VPS13B: variants seen among roughly 807,000 people sequenced by gnomAD.
VPS13B encodes intermembrane lipid transfer protein VPS13B.
Under a neutral mutation model 426.4 loss-of-function variants are expected in VPS13B, and 285 were observed. The observed-to-expected ratio is 0.67, with a 90% CI of 0.61 to 0.74. The LOEUF (loss-of-function observed/expected upper bound fraction) is 0.74, where lower values mean the gene tolerates loss of function less well. Ranked by LOEUF, VPS13B falls within the 30% of genes least tolerant of loss-of-function variation. VPS13B has a pLI of 0.00. For synonymous variants in VPS13B, 1,676 were observed against 1,676.4 expected (o/e 1.00, Z 0.01); for missense variants, 4,537 against 4,782.6 (o/e 0.95, Z 1.51).
chr8:99,334,827 G>T (rs1259770513), intron 19 of VPS13B, among the ~76,000 whole-genome samples: 1 of 151,924 alleles, frequency 6.6e-6, no homozygotes, highest in Non-Finnish European at 1.5e-5. Context: ...CTCTTTTTTG[G>T]TTGTGTCTCT....
At position 99,837,670 on chromosome 8, in the gene VPS13B, A is replaced by G. The variant is rs143551130; in HGVS notation, c.9942+1932A>G. Among the ~76,000 whole-genome samples, 58 of 152,286 alleles carry G rather than the reference A, an allele frequency of 3.8e-4. 1 individual carries two copies. The East Asian group carries it at 7.3e-3, about 19-fold the overall frequency. On this transcript the variant is annotated intron_variant, in intron 54 of 61. Transcript: ENST00000357162. ...ATTAATCTTTTAGGAGCTGTGTGCC[A>G]TATGTCCTGCAGACCGTGGTTTACT... is the stretch of plus-strand genomic sequence containing the variant.
chr8:99,693,830 T>TAAG (rs1831809640), intron 35 of VPS13B, among the ~76,000 whole-genome samples: 1 of 150,430 alleles, frequency 6.6e-6, no homozygotes, highest in Non-Finnish European at 1.5e-5. Flanking sequence ...CTTAAGCTGA[T>TAAG]AAGCAACTTC....
At chr8:99,728,287 C>T (rs1386158974) in intron 39 of VPS13B, among the ~76,000 whole-genome samples, 3 of 152,158 alleles carry the variant, frequency 2.0e-5, no homozygotes, top group Non-Finnish European at 4.4e-5. Context: ...TTAAATGCCC[C>T]TCCCAGCAGG....
chr8:99,360,378 T>G (rs1812496618), intron 19 of VPS13B, among the ~76,000 whole-genome samples: 2 of 150,526 alleles, frequency 1.3e-5, no homozygotes, highest in Admixed American at 6.6e-5. Flanking sequence ...CCCGGGTTCA[T>G]TCCATTCTCC....
chr8:99,798,174 A>C (rs1019320425), intron 43 of VPS13B, among the ~76,000 whole-genome samples: 2 of 151,678 alleles, frequency 1.3e-5, no homozygotes, highest in Non-Finnish European at 2.9e-5. Flanking sequence ...ACTACCGTCC[A>C]GCCGCCATCA....
intron 19 of VPS13B, among the ~76,000 whole-genome samples, chr8:99,301,821 C>T (rs953987972): frequency 3.3e-5 from 5 of 151,732 alleles, no homozygotes; most frequent in Non-Finnish European, 5.9e-5. Context: ...CAGATGGGGT[C>T]TCATTATGTT....
At chr8:99,789,933 G>T (rs1315207919) in intron 43 of VPS13B, among the ~76,000 whole-genome samples, 1 of 151,906 alleles carries the variant, frequency 6.6e-6, no homozygotes, top group African/African-American at 2.4e-5. Flanking sequence ...TTCTATTTTT[G>T]TCACATTTTT....
At chr8:99,280,364 C>A (rs562801695) in intron 19 of VPS13B, among the ~76,000 whole-genome samples, 1 of 152,150 alleles carries the variant, frequency 6.6e-6, no homozygotes. Flanking sequence ...ACCTCTCTTA[C>A]ATTCTTTCAT....
At chr8:99,796,903 T>C (rs1038006677) in intron 43 of VPS13B, 2 of 152,258 alleles carry the variant, frequency 1.3e-5, no homozygotes, top group African/African-American at 4.8e-5. Context: ...CCAAGGCCTA[T>C]TGAACCTGGG....
Position 99,234,537 on chromosome 8 carries a change from G to T in VPS13B, c.2516-39661G>T, listed in dbSNP as rs570475442. On this transcript the variant is annotated intron_variant, in intron 17 of 61. Transcript: ENST00000357162. ...TCCGCGGGGTTGGGGTTCAGGGGCC[G>T]CAGGGCTGGGGTTCGGGGGCCGCGT... 13 of 469,994 alleles carry T rather than the reference G, an allele frequency of 2.8e-5. 1 individual carries two copies. Among genetic ancestry groups the T allele is most frequent in the South Asian group, 2.2e-4 (13 of 58,218 alleles). 29.1% of individuals were successfully genotyped at this position (469,994 alleles called of 1,614,324 possible).
chr8:99,261,084 C>G (rs1203640159), intron 17 of VPS13B, among the ~76,000 whole-genome samples: 1 of 152,014 alleles, frequency 6.6e-6, no homozygotes, highest in Non-Finnish European at 1.5e-5. Context: ...TATCCCCTAT[C>G]AGAGTGATAC....
intron 17 of VPS13B, among the ~76,000 whole-genome samples, chr8:99,254,928 C>CT (rs1314278603): frequency 6.6e-6 from 1 of 152,130 alleles, no homozygotes; most frequent in East Asian, 1.9e-4. Flanking sequence ...CAGAGCCACT[C>CT]TTTTTTGAAG....
Position 99,876,771 on chromosome 8 carries a change from T to A in VPS13B, c.*1105T>A, listed in dbSNP as rs1817718844. On this transcript the variant is annotated 3_prime_UTR_variant, in exon 62 of 62. Transcript: ENST00000357162. The stretch of plus-strand genomic sequence containing the variant: ...AGTAGCTTAGAGCATGTTTGCTGAT[T>A]GATATTACATTTAAACTTGGGGCTA... 6.6e-6 allele frequency: 1 copy of A among 152,110 alleles called. No homozygotes were observed. The highest frequency in any genetic ancestry group is 6.6e-5 in the Admixed American group (1 of 15,264). 9.4% of individuals were successfully genotyped at this position (152,110 alleles called of 1,614,324 possible). A position where few individuals can be genotyped will look rare whatever the true frequency, so the allele number is the denominator to read the frequency against.
At chr8:99,784,534 T>C in intron 43 of VPS13B, 58 bp downstream of exon 43, 5 of 1,601,510 alleles carry the variant, frequency 3.1e-6, no homozygotes, top group Non-Finnish European at 4.3e-6. Context: ...TCATTTCTTC[T>C]GCACTTGTGT....
chr8:99,414,168 G>T (rs1438720549), intron 21 of VPS13B, among the ~76,000 whole-genome samples: 1 of 151,654 alleles, frequency 6.6e-6, no homozygotes, highest in Admixed American at 6.6e-5. Flanking sequence ...ATTATGTAAT[G>T]CCCTTCTTTG....
intron 23 of VPS13B, among the ~76,000 whole-genome samples, chr8:99,456,816 G>C (rs184551147): frequency 1.3e-5 from 2 of 152,256 alleles, no homozygotes; most frequent in East Asian, 1.9e-4. Context: ...CAAAGAATGA[G>C]TTGGGAAGTC....
chr8:99,566,731 G>A lies in VPS13B; in HGVS notation c.4950-8927G>A, dbSNP rs190228253. On this transcript the variant is annotated intron_variant, in intron 31 of 61. Transcript: ENST00000357162. ...GTAGTGAGAGGCCACTGTGCCCAGCGTGAGCCACTGTGCCCAGCCATGGTG... is the reference window on the plus strand; with the variant it reads ...GTAGTGAGAGGCCACTGTGCCCAGCATGAGCCACTGTGCCCAGCCATGGTG... Among the ~76,000 whole-genome samples, 949 of 152,224 alleles carry A rather than the reference G, an allele frequency of 6.2e-3. 8 individuals carry two copies. The highest frequency in any genetic ancestry group is 7.9e-3 in the Non-Finnish European group (534 of 68,016).
intron 35 of VPS13B, among the ~76,000 whole-genome samples, chr8:99,667,797 C>T (rs1212328081): frequency 6.6e-6 from 1 of 152,162 alleles, no homozygotes; most frequent in African/African-American, 2.4e-5. Context: ...TAACAGGACA[C>T]ATTAAAACAG....
At position 99,853,759 on chromosome 8, in the gene VPS13B, C is replaced by T. The variant is rs1779420932; in HGVS notation, c.10370C>T (p.Ser3457Phe). Residue 3457 changes from serine (S) to phenylalanine (F), a missense_variant, in exon 56 of 62, where the codon TCC (serine) becomes TTC (phenylalanine). By Grantham distance (155) the Ser-to-Phe change is radical. This residue lies in a region of VPS13B where 4,311 missense variants were observed against 4,474.3 expected (regional missense o/e 0.96). Coordinates refer to ENST00000357162, the MANE Select transcript of VPS13B (RefSeq NM_152564.5). ...QGEKAEPIQC[S>F]KMQSLLISNK... ...GAAAAAGCAGAACCCATTCAGTGTT[C>T]CAAAATGCAGAGTCTCCTCATATCC... is the stretch of plus-strand genomic sequence containing the variant. The T allele has an allele frequency of 6.2e-7, 1 of 1,614,044 alleles. No homozygotes were observed. The highest frequency in any genetic ancestry group is 1.7e-5 in the Admixed American group (1 of 60,012).
Sources: gnomAD v4.1 joint callset for allele counts (sites outside exome capture counted in the v4.1 genomes callset) on GRCh38, gnomAD v4.1.1 for gene constraint, gnomAD v4.1.1 regional missense constraint, MANE v1.5 for transcripts, NCBI Gene and HGNC (gene_info 2026-07-23, HGNC 2026-07-21) for gene names.